The following TM6SF1 variants were observed in gnomAD, a reference collection of about 807,000 sequenced individuals.
The protein encoded by TM6SF1 is transmembrane 6 superfamily member 1.
TM6SF1 carries 43 observed loss-of-function variants against 47.1 expected under a neutral mutation model. The observed-to-expected ratio is 0.91, with a 90% confidence interval of 0.72 to 1.18. The LOEUF is 1.18. TM6SF1 is among the 50% of genes most tolerant of loss of function. The pLI, the probability that TM6SF1 is intolerant of heterozygous loss-of-function variation, is 0.00. For synonymous variants in TM6SF1, 177 were observed against 166.3 expected, an observed-to-expected ratio of 1.06 and a Z score of -0.49; for missense variants, 390 against 449.0, an observed-to-expected ratio of 0.87 and a Z score of 1.19.
At chr15:83,117,520 G>A (rs1188064369) in intron 3 of TM6SF1, among the ~76,000 whole-genome samples, 1 of 152,186 alleles carries the variant, frequency 6.6e-6, no homozygotes, top group Non-Finnish European at 1.5e-5. Flanking sequence ...CAGGCCAAGA[G>A]GCAGAAGGAA....
chr15:83,115,491 G>C (rs1488118711), intron 2 of TM6SF1: 2 of 400,282 alleles, frequency 5.0e-6, no homozygotes, highest in Non-Finnish European at 9.6e-6. Flanking sequence ...TGCTCCCACT[G>C]CCCATGTGGG....
intron 7 of TM6SF1, among the ~76,000 whole-genome samples, chr15:83,125,953 G>A (rs924036459): frequency 1.3e-5 from 2 of 152,160 alleles, no homozygotes; most frequent in Non-Finnish European, 2.9e-5. Context: ...TAGACCACAG[G>A]GCCACTGAAA....
At position 83,115,948 on chromosome 15, in the gene TM6SF1, G is replaced by A; in HGVS notation, c.294+6G>A. On this transcript the variant is annotated splice_donor_region_variant and intron_variant, in intron 3 of 9. Transcript: ENST00000322019. ...TGACACACTACTTGAGAGAGGTATG[G>A]GATCACTTAGTGATTATGAGGTTTC... 2 of 1,607,050 alleles carry A rather than the reference G, an allele frequency of 1.2e-6. No homozygotes were observed. Among genetic ancestry groups the A allele is most frequent in the Non-Finnish European group, 1.7e-6 (2 of 1,173,606 alleles).
intron 4 of TM6SF1, 119 bp downstream of exon 4, chr15:83,119,800 T>C: frequency 6.7e-7 from 1 of 1,503,714 alleles, no homozygotes; most frequent in Non-Finnish European, 9.0e-7. Context: ...TGAATATAAG[T>C]TCCATGGGTG....
At position 83,136,552 on chromosome 15, in the gene TM6SF1, A is replaced by T. The variant is rs1370086650; in HGVS notation, c.993A>T (p.Ala331=). The T allele has an allele frequency of 6.2e-7, 1 of 1,613,708 alleles. No individual in the cohort carries two copies. Among genetic ancestry groups the T allele is most frequent in the South Asian group, 1.1e-5 (1 of 91,016 alleles). Residue 331 remains alanine, a synonymous_variant, in exon 10 of 10, where the codon GCA becomes GCT. Transcript: ENST00000322019. ...TAYVYRVPEE[A]KILFLALNIA... is the part of the protein sequence containing the mutation. ...ATGTCTACAGAGTCCCTGAAGAAGC[A>T]AAAATCCTTTTTTTAGCATTAAACA... is the stretch of plus-strand genomic sequence containing the variant.
At chr15:83,136,245 A>T (rs2036599391) in intron 9 of TM6SF1, 1 of 365,022 alleles carries the variant, frequency 2.7e-6, no homozygotes, top group African/African-American at 2.1e-5. Context: ...TACACTAAAT[A>T]ATATCTACTT....
intron 3 of TM6SF1, among the ~76,000 whole-genome samples, chr15:83,116,530 T>C (rs1243218074): frequency 6.6e-6 from 1 of 152,244 alleles, no homozygotes; most frequent in African/African-American, 2.4e-5. Context: ...TCTTCATCCA[T>C]GTTCAGATAA....
intron 7 of TM6SF1, 94 bp from the exon 8 acceptor site, chr15:83,126,661 A>G (rs1032970017): frequency 2.2e-5 from 21 of 954,684 alleles, no homozygotes; most frequent in Non-Finnish European, 3.4e-5. Context: ...ACAGCAAAGC[A>G]GCTTGTGACT....
At chr15:83,116,687 A>C (rs1240436686) in intron 3 of TM6SF1, among the ~76,000 whole-genome samples, 1 of 152,194 alleles carries the variant, frequency 6.6e-6, no homozygotes, top group East Asian at 1.9e-4. Flanking sequence ...ACCAGTCAGG[A>C]GGCTTCCTCG....
intron 3 of TM6SF1, among the ~76,000 whole-genome samples, chr15:83,117,959 C>A (rs897319918): frequency 1.3e-5 from 2 of 151,962 alleles, no homozygotes; most frequent in Non-Finnish European, 2.9e-5. Context: ...GGGGTGACAT[C>A]GTAGCAATAA....
rs553320040 is a variant in TM6SF1, at chr15:83,135,827, C to T, written c.922-654C>T. The T allele has an allele frequency of 2.0e-5, 3 of 152,282 alleles. No homozygotes were observed. In the South Asian group the frequency reaches 6.2e-4, roughly 32 times the overall value. 9.4% of individuals were successfully genotyped at this position (152,282 alleles called of 1,614,324 possible). On this transcript the variant is annotated intron_variant, in intron 9 of 9. Transcript: ENST00000322019. ...TTTACAAAGAGCAACCGTACTCCTACCTCCACCCAAGTTGGTAACAACCTT... is the reference window on the plus strand; with the variant it reads ...TTTACAAAGAGCAACCGTACTCCTATCTCCACCCAAGTTGGTAACAACCTT...
intron 4 of TM6SF1, among the ~76,000 whole-genome samples, chr15:83,121,485 A>C (rs2035239142): frequency 6.6e-6 from 1 of 152,242 alleles, no homozygotes; most frequent in African/African-American, 2.4e-5. Context: ...GGCTTTGGCC[A>C]AAATTCTGTG....
chr15:83,122,471 A>G (rs1380178780), intron 5 of TM6SF1, among the ~76,000 whole-genome samples: 1 of 152,144 alleles, frequency 6.6e-6, no homozygotes, highest in Non-Finnish European at 1.5e-5. Flanking sequence ...ATCTAGATGT[A>G]TTTTTTGAGA....
At chr15:83,123,853 C>T (rs927204389) in intron 6 of TM6SF1, among the ~76,000 whole-genome samples, 1 of 152,312 alleles carries the variant, frequency 6.6e-6, no homozygotes, top group African/African-American at 2.4e-5. Flanking sequence ...AATGTGAAAA[C>T]ACAGTGACAG....
intron 1 of TM6SF1, among the ~76,000 whole-genome samples, chr15:83,108,919 G>T (rs796399004): frequency 9.2e-5 from 14 of 152,198 alleles, no homozygotes; most frequent in African/African-American, 3.4e-4. Context: ...GGAGGCAGCT[G>T]CTCTGGGCCA....
At chr15:83,112,521 G>A (rs2034280206) in intron 1 of TM6SF1, among the ~76,000 whole-genome samples, 2 of 152,144 alleles carry the variant, frequency 1.3e-5, no homozygotes, top group South Asian at 4.1e-4. Flanking sequence ...GGCAGAGGGA[G>A]CTCCAGACGT....
At chr15:83,125,465 C>T (rs1185222403) in intron 7 of TM6SF1, among the ~76,000 whole-genome samples, 1 of 152,164 alleles carries the variant, frequency 6.6e-6, no homozygotes, top group Non-Finnish European at 1.5e-5. Context: ...CTGTTTTCCT[C>T]TCTGTAAAAT....
At chr15:83,131,933 C>G (rs1451935681) in intron 9 of TM6SF1, 1 of 152,128 alleles carries the variant, frequency 6.6e-6, no homozygotes. Flanking sequence ...AGCATTTTCT[C>G]TGCTAAAATA....
intron 6 of TM6SF1, among the ~76,000 whole-genome samples, chr15:83,123,381 C>G (rs1188091289): frequency 1.3e-5 from 2 of 152,350 alleles, no homozygotes; most frequent in East Asian, 1.9e-4. Flanking sequence ...CCCTTCCATT[C>G]ACAGCCAAGG....
Sources: gnomAD v4.1 joint callset for allele counts (sites outside exome capture counted in the v4.1 genomes callset) on GRCh38, gnomAD v4.1.1 for gene constraint, MANE v1.5 for transcripts, NCBI Gene and HGNC (gene_info 2026-07-23, HGNC 2026-07-21) for gene names.